The following GLG1 variants were observed in gnomAD, a reference collection of about 807,000 sequenced individuals.
GLG1 encodes the protein golgi glycoprotein 1.
GLG1 carries 38 observed loss-of-function variants against 160.5 expected under a neutral mutation model. That is an observed-to-expected ratio of 0.24 (90% CI 0.18 to 0.31). GLG1 has a LOEUF of 0.31. Ranked by LOEUF, GLG1 falls within the 10% of genes least tolerant of loss-of-function variation. The pLI is 1.00. For missense variants in GLG1, 1,373 were observed against 1,505.2 expected, an observed-to-expected ratio of 0.91 and a Z score of 1.45; for synonymous variants, 644 against 543.4, an observed-to-expected ratio of 1.19 and a Z score of -2.57.
chr16:74,557,560 C>A (rs1188402758), intron 1 of GLG1, among the ~76,000 whole-genome samples: 1 of 152,090 alleles, frequency 6.6e-6, no homozygotes, highest in East Asian at 1.9e-4. Context: ...AGATACTAGT[C>A]CAGACGCAGA....
At chr16:74,537,514 A>T (rs2017718396) in intron 1 of GLG1, among the ~76,000 whole-genome samples, 1 of 145,990 alleles carries the variant, frequency 6.8e-6, no homozygotes, top group African/African-American at 2.5e-5. Flanking sequence ...GAATCCATGA[A>T]CAGGCTTTGG....
At chr16:74,605,487 C>G (rs1958545203) in intron 1 of GLG1, among the ~76,000 whole-genome samples, 1 of 152,156 alleles carries the variant, frequency 6.6e-6, no homozygotes, top group South Asian at 2.1e-4. Context: ...GGAATATTAG[C>G]TGTATCTACC....
chr16:74,466,346 G>C (rs923834226), intron 18 of GLG1, among the ~76,000 whole-genome samples: 1 of 152,120 alleles, frequency 6.6e-6, no homozygotes, highest in African/African-American at 2.4e-5. Context: ...AAATACAAAA[G>C]CATAAAGTGT....
intron 4 of GLG1, 69 bp from the exon 5 acceptor site, chr16:74,496,713 T>TAAACACACAC: frequency 1.6e-6 from 1 of 616,762 alleles, no homozygotes; most frequent in Non-Finnish European, 2.9e-6. Context: ...AACATTTGGC[T>TAAACACACAC]ACACACACAC....
intron 1 of GLG1, among the ~76,000 whole-genome samples, chr16:74,549,334 C>T (rs2018135656): frequency 6.6e-6 from 1 of 151,788 alleles, no homozygotes; most frequent in Non-Finnish European, 1.5e-5. Flanking sequence ...TGCTCTGTTG[C>T]CCAGGCTGAA....
chr16:74,514,631 C>A (rs2016919971), intron 2 of GLG1, among the ~76,000 whole-genome samples: 1 of 152,098 alleles, frequency 6.6e-6, no homozygotes, highest in African/African-American at 2.4e-5. Context: ...ACAAGAACTC[C>A]CGAAGGAAGC....
At chr16:74,534,640 A>C (rs1298904170) in intron 1 of GLG1, among the ~76,000 whole-genome samples, 4 of 152,078 alleles carry the variant, frequency 2.6e-5, no homozygotes, top group African/African-American at 9.7e-5. Flanking sequence ...GCTTCCCTAC[A>C]GCGGGAGACT....
Position 74,606,683 on chromosome 16 carries a change from G to T in GLG1, c.412C>A (p.Leu138Ile). ...TCCCTCACATCCTGCAGGCACTCGAGCACCGCCAGGTTGTTGCTCCAGGTG... is the reference window on the plus strand; with the variant it reads ...TCCCTCACATCCTGCAGGCACTCGATCACCGCCAGGTTGTTGCTCCAGGTG... The part of the protein sequence containing the change: ...KHTWSNNLAV[L>I]ECLQDVREPE... The change falls in exon 1 of 26, where the codon CTC (leucine) becomes ATC (isoleucine). Residue 138 changes from leucine (L) to isoleucine (I), a missense_variant. Leu to Ile is a conservative substitution (Grantham distance 5). This residue lies in a region of GLG1 where 322 missense variants were observed against 254.6 expected (regional missense o/e 1.26). Transcript: ENST00000422840. 6.3e-7 allele frequency: 1 copy of T among 1,593,408 alleles called. No homozygotes were observed. Among genetic ancestry groups the T allele is most frequent in the East Asian group, 2.3e-5 (1 of 44,360 alleles).
chr16:74,549,645 T>G (rs530061470), intron 1 of GLG1, among the ~76,000 whole-genome samples: 1 of 152,110 alleles, frequency 6.6e-6, no homozygotes, highest in East Asian at 1.9e-4. Flanking sequence ...CGTTCAATAT[T>G]TGCTCCAAGT....
At chr16:74,576,225 A>ACT (rs2018999443) in intron 1 of GLG1, among the ~76,000 whole-genome samples, 1 of 152,176 alleles carries the variant, frequency 6.6e-6, no homozygotes, top group Non-Finnish European at 1.5e-5. Context: ...AACTATTTTA[A>ACT]GTCTGTGGTG....
chr16:74,493,188 A>T, intron 6 of GLG1, 48 bp from the exon 7 acceptor site: 1 of 1,325,782 alleles, frequency 7.5e-7, no homozygotes. Flanking sequence ...ATGTAACTTT[A>T]CTGTTGACGT....
intron 20 of GLG1, 118 bp downstream of exon 20, chr16:74,463,238 C>T (rs1301470955): frequency 1.0e-6 from 1 of 960,678 alleles, no homozygotes. Flanking sequence ...TACACTCAGA[C>T]TCCTCCCTTA....
intron 1 of GLG1, among the ~76,000 whole-genome samples, chr16:74,550,301 A>G (rs1022965453): frequency 7.9e-5 from 12 of 152,132 alleles, no homozygotes; most frequent in Admixed American, 2.0e-4. Context: ...CAAATGTTAA[A>G]GCTGTTGGAG....
chr16:74,471,599 T>C (rs2015210922), intron 14 of GLG1, among the ~76,000 whole-genome samples: 1 of 152,192 alleles, frequency 6.6e-6, no homozygotes, highest in East Asian at 1.9e-4. Flanking sequence ...TTCCTGGGTA[T>C]GTTTCACTCC....
intron 1 of GLG1, among the ~76,000 whole-genome samples, chr16:74,571,915 T>C (rs2018838201): frequency 6.6e-6 from 1 of 152,238 alleles, no homozygotes; most frequent in South Asian, 2.1e-4. Flanking sequence ...CATGTGATAC[T>C]GTGGAATAGA....
At chr16:74,536,787 A>C (rs2017699205) in intron 1 of GLG1, among the ~76,000 whole-genome samples, 1 of 152,200 alleles carries the variant, frequency 6.6e-6, no homozygotes, top group South Asian at 2.1e-4. Context: ...CTGATTTTTC[A>C]AATGATAGGA....
intron 13 of GLG1, chr16:74,472,792 T>G: frequency 8.2e-6 from 3 of 367,044 alleles, no homozygotes; most frequent in South Asian, 6.3e-5. Context: ...TATAAGCTCA[T>G]AAGCCAGAGC....
At position 74,458,018 on chromosome 16, in the gene GLG1, A is replaced by G. The variant is rs764938237; in HGVS notation, c.3145-24T>C. The G allele has an allele frequency of 2.5e-6, 4 of 1,611,802 alleles. No homozygotes were observed. The African/African-American group carries it at 4.0e-5, about 16-fold the overall frequency. On this transcript the variant is annotated intron_variant, in intron 23 of 25. Transcript: ENST00000422840. ...TCCTGGAAAGGGAGGGTCATTGCAG[A>G]CAGAGCTTTTGAAGGGGAAATGCAT...
In GLG1 at chr16:74,606,947, C is replaced by T. The variant is rs760103653; in HGVS notation, c.148G>A (p.Val50Ile). Residue 50 changes from valine to isoleucine, a missense_variant, in exon 1 of 26, where the codon GTA (valine) becomes ATA (isoleucine). By Grantham distance (29) the Val-to-Ile change is conservative (BLOSUM62 3). Coordinates refer to ENST00000422840, the MANE Select transcript of GLG1 (RefSeq NM_001145667.2). ...QGPGANFVSF[V>I]GQAGGGGPAG... ...GGGCCGCCGCCTCCGGCCTGCCCTA[C>T]GAAGGACACAAAGTTGGCCCCGGGA... The T allele has an allele frequency of 6.8e-6, 11 of 1,609,066 alleles. No individual in the cohort carries two copies. The Admixed American group carries it at 1.2e-4, about 17-fold the overall frequency.
Sources: gnomAD v4.1 joint callset for allele counts (sites outside exome capture counted in the v4.1 genomes callset) on GRCh38, gnomAD v4.1.1 for gene constraint, gnomAD v4.1.1 regional missense constraint, MANE v1.5 for transcripts, NCBI Gene and HGNC (gene_info 2026-07-23, HGNC 2026-07-21) for gene names.